SBF1: variants seen among roughly 807,000 people sequenced by gnomAD.
SBF1 encodes myotubularin-related protein 5.
Under a neutral mutation model 215.8 loss-of-function variants are expected in SBF1, and 65 were observed. The observed-to-expected ratio is 0.30, with a 90% CI of 0.25 to 0.37. SBF1 has a LOEUF of 0.37. Among genes scored for constraint, SBF1 ranks in the 10% least tolerant of loss-of-function variants. The pLI is 1.00. For missense variants in SBF1, 2,634 were observed against 2,667.8 expected, an observed-to-expected ratio of 0.99 and a Z score of 0.28; for synonymous variants, 1,410 against 1,122.8, an observed-to-expected ratio of 1.26 and a Z score of -5.11.
Position 50,462,941 on chromosome 22 carries a change from G to A in SBF1, c.1900-3C>T, listed in dbSNP as rs752629761. The A allele has an allele frequency of 7.4e-6, 12 of 1,611,526 alleles. No homozygotes were observed. Among genetic ancestry groups the A allele is most frequent in the East Asian group, 6.7e-5 (3 of 44,810 alleles). On this transcript the variant is annotated splice_region_variant and splice_polypyrimidine_tract_variant and intron_variant, in intron 16 of 40. Transcript: ENST00000380817. ...TGCTCGTCCAGAGAAGTGCAGTCCT[G>A]CAGGTAGAGCGAGAGACCGTCAGGA...
Position 50,446,356 on chromosome 22 carries a change from T to TTCCCCCCCCCCCCCCCCCCCCCCCC in SBF1, c.*785_*786insGGGGGGGGGGGGGGGGGGGGGGGGA, listed in dbSNP as rs2066808396. 1 of 35,048 alleles carries TTCCCCCCCCCCCCCCCCCCCCCCCC rather than the reference T, an allele frequency of 2.9e-5. No homozygotes were observed. Among genetic ancestry groups the TTCCCCCCCCCCCCCCCCCCCCCCCC allele is most frequent in the African/African-American group, 1.3e-4 (1 of 7,646 alleles). The allele number at this position is 35,048 out of a possible 1,614,324, so 2.2% of individuals were successfully genotyped here. Reference sequence around the variant, plus strand: ...CCTGCATTCCCCTGGGAGCCCACTGTCCCCCCCCCCCCCCCGCCTCCGGCC... The same window carrying TTCCCCCCCCCCCCCCCCCCCCCCCC: ...CCTGCATTCCCCTGGGAGCCCACTGTTCCCCCCCCCCCCCCCCCCCCCCCCCCCCCCCCCCCCCCCGCCTCCGGCC... On this transcript the variant is annotated 3_prime_UTR_variant, in exon 41 of 41. Transcript: ENST00000380817.
chr22:50,457,150 A>G (rs762705744), intron 28 of SBF1, 39 bp from the exon 29 acceptor site: 1 of 1,429,556 alleles, frequency 7.0e-7, no homozygotes, highest in Non-Finnish European at 9.2e-7. Flanking sequence ...GCCTAGCCCC[A>G]GGCCTGGGCG....
chr22:50,474,677 C>A (rs1463514904), intron 1 of SBF1, 109 bp downstream of exon 1: 4 of 925,264 alleles, frequency 4.3e-6, no homozygotes, highest in Non-Finnish European at 6.1e-6. Flanking sequence ...CCGACCCAGC[C>A]CCCAGCCCTC....
At chr22:50,457,355 G>C (rs746060743) in intron 28 of SBF1, 23 of 428,254 alleles carry the variant, frequency 5.4e-5, no homozygotes, top group African/African-American at 3.9e-4. Context: ...TGGGGATCCC[G>C]GGCTCTCCTC....
intron 31 of SBF1, 156 bp downstream of exon 31, chr22:50,456,060 C>T: frequency 2.5e-6 from 2 of 807,028 alleles, no homozygotes; most frequent in Non-Finnish European, 3.8e-6. Context: ...TCCCAGCTGC[C>T]TTCTAGGCAC....
rs765470157 is a variant in SBF1, at chr22:50,462,279, G to A, written c.2322C>T (p.Ser774=). 4.3e-6 allele frequency: 7 copies of A among 1,612,656 alleles called. No individual in the cohort carries two copies. Among genetic ancestry groups the A allele is most frequent in the South Asian group, 1.1e-5 (1 of 91,094 alleles). The change falls in exon 19 of 41, where the codon AGC becomes AGT. Residue 774 remains serine (S), a synonymous_variant. Coordinates refer to ENST00000380817, the MANE Select transcript of SBF1 (RefSeq NM_002972.4). ...CACGCTCCCGAAGTAGGCGGCTCTT[G>A]CTGCTGTCCAGGGGCAGGAGGAGGT... is the stretch of plus-strand genomic sequence containing the variant. ...MSYLLLPLDS[S]KSRLLRERAG...
At position 50,456,253 on chromosome 22, in the gene SBF1, A is replaced by G. The variant is rs773136001; in HGVS notation, c.4229T>C (p.Phe1410Ser). Residue 1410 changes from phenylalanine to serine, a missense_variant, in exon 31 of 41, where the codon TTC becomes TCC. Coordinates refer to ENST00000380817, the MANE Select transcript of SBF1 (RefSeq NM_002972.4). ...CTCTGAGTCCTCCAGTGAGCGCAGG[A>G]AGGAGGCTGGGCTGGGCTCAGCAGC... ...CPAAEPSPASFLRSLEDSEWL... is the reference protein window; with the variant it reads ...CPAAEPSPASSLRSLEDSEWL... 1 of 1,612,536 alleles carries G rather than the reference A, an allele frequency of 6.2e-7. No homozygotes were observed.
intron 39 of SBF1, 21 bp downstream of exon 39, chr22:50,447,501 C>A (rs367880632): frequency 6.2e-7 from 1 of 1,612,276 alleles, no homozygotes; most frequent in Non-Finnish European, 8.5e-7. Flanking sequence ...CGTGAGTCCC[C>A]CCCACCACCT....
intron 36 of SBF1, among the ~76,000 whole-genome samples, chr22:50,452,140 T>TAAAAAAAAAAAAAAAAAAAAAA (rs374473892): frequency 8.8e-6 from 1 of 113,222 alleles, no homozygotes. Flanking sequence ...ACTGCTGAAT[T>TAAAAAAAAAAAAAAAAAAAAAA]AAAAAAAAAA....
Position 50,446,671 on chromosome 22 carries a change from G to A in SBF1, c.*471C>T, listed in dbSNP as rs775905931. ...CAGGGACATGCAGGCCGAGCTGGGT[G>A]GACCCAGGCACCAGGAGAGGCTCAC... On this transcript the variant is annotated 3_prime_UTR_variant, in exon 41 of 41. Transcript: ENST00000380817. 1.1e-5 allele frequency: 4 copies of A among 378,150 alleles called. No individual in the cohort carries two copies. Among genetic ancestry groups the A allele is most frequent in the African/African-American group, 2.1e-5 (1 of 47,864 alleles). The allele number at this position is 378,150 out of a possible 1,614,324, so 23.4% of individuals were successfully genotyped here. A position where few individuals can be genotyped will look rare whatever the true frequency, so the allele number is the denominator to read the frequency against.
At chr22:50,457,204 C>G in intron 28 of SBF1, 93 bp from the exon 29 acceptor site, 1 of 1,050,910 alleles carries the variant, frequency 9.5e-7, no homozygotes, top group Non-Finnish European at 1.3e-6. Flanking sequence ...TTCCACCAAG[C>G]CCCCAGGGAG....
At chr22:50,461,463 C>T (rs1220145452) in intron 22 of SBF1, 60 bp downstream of exon 22, 2 of 1,525,004 alleles carry the variant, frequency 1.3e-6, no homozygotes, top group African/African-American at 2.8e-5. Flanking sequence ...AGGGAAAGCC[C>T]ATCCATCCCA....
rs748067381 is a variant in SBF1, at chr22:50,456,248, G to A, written c.4234C>T (p.Arg1412Cys). The A allele has an allele frequency of 7.4e-6, 12 of 1,612,382 alleles. No homozygotes were observed. Among genetic ancestry groups the A allele is most frequent in the Admixed American group, 3.3e-5 (2 of 60,020 alleles). ...AGCCACTCTGAGTCCTCCAGTGAGC[G>A]CAGGAAGGAGGCTGGGCTGGGCTCA... ...AAEPSPASFL[R>C]SLEDSEWLIQ... Residue 1412 changes from arginine (R) to cysteine (C), a missense_variant, in exon 31 of 41, where the codon CGC becomes TGC. Arg to Cys is a radical substitution (Grantham distance 180). Coordinates refer to ENST00000380817, the MANE Select transcript of SBF1 (RefSeq NM_002972.4).
chr22:50,470,973 G>A (rs1191590034), intron 1 of SBF1, among the ~76,000 whole-genome samples: 5 of 152,166 alleles, frequency 3.3e-5, no homozygotes, highest in Non-Finnish European at 7.4e-5. Flanking sequence ...GCCTCCAGGG[G>A]GATGTGGGGG....
At chr22:50,473,687 G>A (rs957079748) in intron 1 of SBF1, among the ~76,000 whole-genome samples, 3 of 152,148 alleles carry the variant, frequency 2.0e-5, no homozygotes, top group African/African-American at 4.8e-5. Flanking sequence ...TGGGGACAGT[G>A]ACAACTGGAC....
chr22:50,466,647 G>A lies in SBF1; in HGVS notation c.613C>T (p.Pro205Ser). 1 of 1,551,898 alleles carries A rather than the reference G, an allele frequency of 6.4e-7. No individual in the cohort carries two copies. Among genetic ancestry groups the A allele is most frequent in the South Asian group, 1.2e-5 (1 of 84,146 alleles). ...VIQTPLADSL[P>S]VSRCSVALLF... ...AGGGCCACGCTGCAGCGGCTGACGGGCAGCGAGTCGGCCAGTGGAGTCTGG... is the reference window on the plus strand; with the variant it reads ...AGGGCCACGCTGCAGCGGCTGACGGACAGCGAGTCGGCCAGTGGAGTCTGG... The change falls in exon 6 of 41, where the codon CCC (proline) becomes TCC (serine). Residue 205 changes from proline to serine, a missense_variant. Pro to Ser is a moderately conservative substitution (Grantham distance 74). Coordinates refer to ENST00000380817, the MANE Select transcript of SBF1 (RefSeq NM_002972.4).
Position 50,474,873 on chromosome 22 carries a change from G to C in SBF1, c.-33C>G. 1 of 1,344,794 alleles carries C rather than the reference G, an allele frequency of 7.4e-7. No homozygotes were observed. Among genetic ancestry groups the C allele is most frequent in the Non-Finnish European group, 9.5e-7 (1 of 1,051,412 alleles). 83.3% of individuals were successfully genotyped at this position (1,344,794 alleles called of 1,614,324 possible). On this transcript the variant is annotated 5_prime_UTR_variant, in exon 1 of 41. Coordinates refer to ENST00000380817, the MANE Select transcript of SBF1 (RefSeq NM_002972.4). ...GACGCGGGGCGGCCCGAGGGGCGCGGGCGGGCTCCGCGGCTCGGGGACTCG... is the reference window on the plus strand; with the variant it reads ...GACGCGGGGCGGCCCGAGGGGCGCGCGCGGGCTCCGCGGCTCGGGGACTCG...
At chr22:50,473,488 G>C (rs760459091) in intron 1 of SBF1, among the ~76,000 whole-genome samples, 2 of 152,192 alleles carry the variant, frequency 1.3e-5, no homozygotes, top group African/African-American at 4.8e-5. Context: ...TAAAGAAAAA[G>C]ACAGATGCTC....
Position 50,459,460 on chromosome 22 carries a change from C to A in SBF1, c.3688+10G>T. Reference sequence around the variant, plus strand: ...GGCAGGGCAGGCACAGGGCAGGACGCAGGAGGTACCTGGAGAAGGTGCGTT... The same window carrying A: ...GGCAGGGCAGGCACAGGGCAGGACGAAGGAGGTACCTGGAGAAGGTGCGTT... On this transcript the variant is annotated intron_variant, in intron 27 of 40. Coordinates refer to ENST00000380817, the MANE Select transcript of SBF1 (RefSeq NM_002972.4). 1 of 1,611,338 alleles carries A rather than the reference C, an allele frequency of 6.2e-7. No individual in the cohort carries two copies. The highest frequency in any genetic ancestry group is 1.1e-5 in the South Asian group (1 of 91,070).
Sources: allele counts gnomAD v4.1 joint callset (sites outside exome capture counted in the v4.1 genomes callset), GRCh38; gene constraint gnomAD v4.1.1; transcripts MANE v1.5; gene names NCBI Gene and HGNC (gene_info 2026-07-23, HGNC 2026-07-21).